Variants in PRR5L observed in about 807,000 individuals in gnomAD.
PRR5L encodes the protein proline-rich protein 5-like.
PRR5L carries 21 observed loss-of-function variants against 36.4 expected under a neutral mutation model. The observed-to-expected ratio is 0.58, with a 90% CI of 0.41 to 0.83. The LOEUF is 0.83. Among genes scored for constraint, PRR5L ranks in the 40% least tolerant of loss-of-function variants. The pLI is 0.00. For missense variants in PRR5L, 381 were observed against 473.3 expected (o/e 0.80, Z 1.81); for synonymous variants, 188 against 197.0 (o/e 0.95, Z 0.38).
chr11:36,360,678 T>G, intron 1 of PRR5L, among the ~76,000 whole-genome samples: 1 of 152,214 alleles, frequency 6.6e-6, no homozygotes. Context: ...ATAGGCTGAA[T>G]AAGAGGGTAA....
At chr11:36,325,422 C>G (rs1856652149) in intron 1 of PRR5L, among the ~76,000 whole-genome samples, 1 of 152,216 alleles carries the variant, frequency 6.6e-6, no homozygotes. Context: ...AAACATGGAC[C>G]AGAAGACAGT....
chr11:36,431,569 G>A (rs887460182), intron 4 of PRR5L, among the ~76,000 whole-genome samples: 3 of 152,048 alleles, frequency 2.0e-5, no homozygotes, highest in African/African-American at 7.3e-5. Context: ...CAACAATAGC[G>A]AATTCATCCC....
At chr11:36,305,370 G>C (rs1856419767) in intron 1 of PRR5L, among the ~76,000 whole-genome samples, 1 of 152,170 alleles carries the variant, frequency 6.6e-6, no homozygotes, top group African/African-American at 2.4e-5. Flanking sequence ...TAGGGGCTGG[G>C]GTTGAGTGGG....
At chr11:36,354,644 A>G (rs1179905855) in intron 1 of PRR5L, among the ~76,000 whole-genome samples, 1 of 152,262 alleles carries the variant, frequency 6.6e-6, no homozygotes, top group African/African-American at 2.4e-5. Flanking sequence ...GAGAAAACGC[A>G]GAATGCTACA....
intron 4 of PRR5L, among the ~76,000 whole-genome samples, chr11:36,426,686 G>A (rs762652957): frequency 1.4e-4 from 21 of 152,322 alleles, no homozygotes; most frequent in Middle Eastern, 3.4e-3. Context: ...AGGTTGTGGC[G>A]AAAGTAAAAT....
intron 1 of PRR5L, among the ~76,000 whole-genome samples, chr11:36,373,029 T>A (rs1857213422): frequency 6.6e-6 from 1 of 151,754 alleles, no homozygotes; most frequent in Admixed American, 6.6e-5. Flanking sequence ...AAATGTAATC[T>A]TACTGGTGAA....
intron 1 of PRR5L, among the ~76,000 whole-genome samples, chr11:36,373,611 A>AG (rs1443604460): frequency 1.3e-5 from 2 of 151,982 alleles, no homozygotes; most frequent in Admixed American, 6.6e-5. Context: ...AAAAAAAAAA[A>AG]AAAGAAAGAA....
intron 2 of PRR5L, among the ~76,000 whole-genome samples, chr11:36,401,612 T>C (rs924545194): frequency 6.6e-6 from 1 of 151,636 alleles, no homozygotes; most frequent in Non-Finnish European, 1.5e-5. Flanking sequence ...AATTTTTTTT[T>C]AAAGAGATGG....
At position 36,464,198 on chromosome 11, in the gene PRR5L, A is replaced by G. The variant is rs1859248860; in HGVS notation, c.*1462A>G. On this transcript the variant is annotated 3_prime_UTR_variant, in exon 9 of 9. Transcript: ENST00000530639. ...CTCACTGATAACAGCTCCAGAAAAAAAGACAAGGCTCCCCCTCTGACCCTT... is the reference window on the plus strand; with the variant it reads ...CTCACTGATAACAGCTCCAGAAAAAGAGACAAGGCTCCCCCTCTGACCCTT... 1 of 152,146 alleles carries G rather than the reference A, an allele frequency of 6.6e-6. No individual in the cohort carries two copies. The highest frequency in any genetic ancestry group is 1.5e-5 in the Non-Finnish European group (1 of 68,032). The allele number at this position is 152,146 out of a possible 1,614,324, so 9.4% of individuals were successfully genotyped here. A position where few individuals can be genotyped will look rare whatever the true frequency, so the allele number is the denominator to read the frequency against.
intron 1 of PRR5L, among the ~76,000 whole-genome samples, chr11:36,306,958 C>T (rs2133451911): frequency 6.6e-6 from 1 of 152,240 alleles, no homozygotes; most frequent in South Asian, 2.1e-4. Context: ...AGGCTCCTAC[C>T]CATTCACAGG....
chr11:36,303,696 C>T (rs567531777), intron 1 of PRR5L, among the ~76,000 whole-genome samples: 1 of 152,310 alleles, frequency 6.6e-6, no homozygotes, highest in African/African-American at 2.4e-5. Flanking sequence ...GTGACGTATG[C>T]ACCTGTCTGT....
chr11:36,437,910 T>C (rs188815726), intron 6 of PRR5L, among the ~76,000 whole-genome samples: 1 of 152,158 alleles, frequency 6.6e-6, no homozygotes. Context: ...GAAAAAGGAG[T>C]AACATTCCGT....
At chr11:36,345,019 C>T (rs1480182899) in intron 1 of PRR5L, among the ~76,000 whole-genome samples, 1 of 152,090 alleles carries the variant, frequency 6.6e-6, no homozygotes, top group East Asian at 1.9e-4. Flanking sequence ...AAGGCTTTTC[C>T]AGATGGCAAA....
intron 1 of PRR5L, among the ~76,000 whole-genome samples, chr11:36,318,186 T>C (rs1856577281): frequency 6.6e-6 from 1 of 152,246 alleles, no homozygotes; most frequent in Non-Finnish European, 1.5e-5. Flanking sequence ...GCAAAGGCTG[T>C]ACCATCTAGG....
At chr11:36,308,431 C>T (rs781708405) in intron 1 of PRR5L, among the ~76,000 whole-genome samples, 2 of 152,184 alleles carry the variant, frequency 1.3e-5, no homozygotes, top group African/African-American at 2.4e-5. Flanking sequence ...GCCATGGTCT[C>T]CACTAGATAA....
At chr11:36,302,253 C>T (rs1306368936) in intron 1 of PRR5L, among the ~76,000 whole-genome samples, 1 of 152,028 alleles carries the variant, frequency 6.6e-6, no homozygotes, top group Non-Finnish European at 1.5e-5. Flanking sequence ...GAAGAGTGAT[C>T]CTTGAAGCGG....
chr11:36,420,592 C>T (rs1259437613), intron 4 of PRR5L, among the ~76,000 whole-genome samples: 3 of 152,094 alleles, frequency 2.0e-5, no homozygotes, highest in Non-Finnish European at 2.9e-5. Context: ...ATATAAGTGC[C>T]TATGTGTTAT....
At chr11:36,431,962 A>G in intron 5 of PRR5L, 52 bp downstream of exon 5, 1 of 1,494,964 alleles carries the variant, frequency 6.7e-7, no homozygotes, top group Non-Finnish European at 9.3e-7. Context: ...TCAGTCTTTG[A>G]TGTCTGGACG....
intron 1 of PRR5L, among the ~76,000 whole-genome samples, chr11:36,314,066 G>T (rs966991005): frequency 6.6e-6 from 1 of 152,156 alleles, no homozygotes; most frequent in African/African-American, 2.4e-5. Context: ...TATTGTGAGG[G>T]TTAAATAATT....
Sources: allele counts gnomAD v4.1 joint callset (sites outside exome capture counted in the v4.1 genomes callset), GRCh38; gene constraint gnomAD v4.1.1; transcripts MANE v1.5; gene names NCBI Gene and HGNC (gene_info 2026-07-23, HGNC 2026-07-21).